Variants in PIK3R1 observed in about 807,000 individuals in gnomAD.
PIK3R1 encodes phosphatidylinositol 3-kinase regulatory subunit alpha.
Under a neutral mutation model 98.0 loss-of-function variants are expected in PIK3R1, and 29 were observed. The ratio of observed to expected loss-of-function variants is 0.30; its 90% confidence interval spans 0.22 to 0.40. The LOEUF (loss-of-function observed/expected upper bound fraction) is 0.40, where lower values mean the gene tolerates loss of function less well. Among genes scored for constraint, PIK3R1 ranks in the 10% least tolerant of loss-of-function variants. The pLI is 1.00. For synonymous variants in PIK3R1, 282 were observed against 311.8 expected (o/e 0.90, Z 1.01); for missense variants, 596 against 872.7 (o/e 0.68, Z 3.99).
At chr5:68,288,654 G>A in intron 7 of PIK3R1, 1 of 1,606,404 alleles carries the variant, frequency 6.2e-7, no homozygotes, top group Non-Finnish European at 8.5e-7. Flanking sequence ...GCGGGGGCTT[G>A]GCCCACTTGG....
chr5:68,282,200 G>A (rs966802386), intron 7 of PIK3R1, among the ~76,000 whole-genome samples: 3 of 152,146 alleles, frequency 2.0e-5, no homozygotes, highest in African/African-American at 7.2e-5. Flanking sequence ...CAACAGGTAG[G>A]GACTAGGACT....
In PIK3R1 at chr5:68,236,950, C is replaced by A. The variant is rs139125581; in HGVS notation, c.334+9941C>A. Among the ~76,000 whole-genome samples the A allele has an allele frequency of 7.2e-3, 1,098 of 152,322 alleles. 10 individuals are homozygous for A. The highest frequency in any genetic ancestry group is 0.031 in the Middle Eastern group (9 of 294). On this transcript the variant is annotated intron_variant, in intron 2 of 15. Coordinates refer to ENST00000521381, the MANE Select transcript of PIK3R1 (RefSeq NM_181523.3). ...GTATGTGCATGTAAATGCAATTTTTCTCAGGAAGAAATACACCATGATCAG... is the reference window on the plus strand; with the variant it reads ...GTATGTGCATGTAAATGCAATTTTTATCAGGAAGAAATACACCATGATCAG...
At chr5:68,227,338 A>C (rs563798253) in intron 2 of PIK3R1, among the ~76,000 whole-genome samples, 24 of 152,322 alleles carry the variant, frequency 1.6e-4, no homozygotes, top group African/African-American at 5.8e-4. Context: ...GAGTATTCCT[A>C]GTCTGAAAAT....
chr5:68,297,677 T>A lies in PIK3R1; in HGVS notation c.*76T>A. On this transcript the variant is annotated 3_prime_UTR_variant, in exon 16 of 16. Transcript: ENST00000521381. ...TGGAAAGCAAAGGGCTCCTCTCCAG[T>A]CTGATCTGTGAATTGAGCTGCAGAA... 2 of 1,210,390 alleles carry A rather than the reference T, an allele frequency of 1.7e-6. No individual in the cohort carries two copies. The allele number at this position is 1,210,390 out of a possible 1,614,324, so 75.0% of individuals were successfully genotyped here. A position where few individuals can be genotyped will look rare whatever the true frequency, so the allele number is the denominator to read the frequency against.
chr5:68,223,036 C>G (rs920353189), intron 1 of PIK3R1, among the ~76,000 whole-genome samples: 2 of 151,490 alleles, frequency 1.3e-5, no homozygotes, highest in Non-Finnish European at 2.9e-5. Context: ...ATATATATGA[C>G]TATATATATA....
chr5:68,244,523 G>GCCC lies in PIK3R1; in HGVS notation c.334+17518_334+17520dup, dbSNP rs1190697417. 2.5e-4 allele frequency among the ~76,000 whole-genome samples: 2 copies of GCCC among 7,998 alleles called. 1 individual carries two copies. The highest frequency in any genetic ancestry group is 3.9e-4 in the Non-Finnish European group (2 of 5,110). 5.2% of individuals were successfully genotyped at this position (7,998 alleles called of 152,430 possible). On this transcript the variant is annotated intron_variant, in intron 2 of 15. Coordinates refer to ENST00000521381, the MANE Select transcript of PIK3R1 (RefSeq NM_181523.3). ...CCTATTTCTCTAGGACCGCCCCCCC[G>GCCC]CCCCCCGCCGCCGCTTCAGAGAGCT...
chr5:68,279,224 T>G (rs1469622679), intron 4 of PIK3R1, among the ~76,000 whole-genome samples: 1 of 152,174 alleles, frequency 6.6e-6, no homozygotes, highest in Non-Finnish European at 1.5e-5. Context: ...GAGTTTGGGC[T>G]TAGAGGGGTG....
Position 68,295,142 on chromosome 5 carries a change from C to T in PIK3R1, c.1569-6C>T, listed in dbSNP as rs202176041. The T allele has an allele frequency of 7.4e-6, 12 of 1,611,954 alleles. No individual in the cohort carries two copies. The highest frequency in any genetic ancestry group is 8.5e-6 in the Non-Finnish European group (10 of 1,178,618). ...ATAATAACAAATACGTTTCTTTTGCCTGCAGGATTATGCATAATTATGATA... is the reference window on the plus strand; with the variant it reads ...ATAATAACAAATACGTTTCTTTTGCTTGCAGGATTATGCATAATTATGATA... On this transcript the variant is annotated splice_region_variant and splice_polypyrimidine_tract_variant and intron_variant, in intron 12 of 15. Coordinates refer to ENST00000521381, the MANE Select transcript of PIK3R1 (RefSeq NM_181523.3).
Position 68,300,609 on chromosome 5 carries a change from T to C in PIK3R1, c.*3008T>C, listed in dbSNP as rs543825264. ...GTGTTTGCAACATCTGATAACTTCA[T>C]GGCCTTTGATAAATGTATATATGTA... On this transcript the variant is annotated 3_prime_UTR_variant, in exon 16 of 16. Coordinates refer to ENST00000521381, the MANE Select transcript of PIK3R1 (RefSeq NM_181523.3). 8.6e-6 allele frequency: 2 copies of C among 233,336 alleles called. No homozygotes were observed. Among genetic ancestry groups the C allele is most frequent in the South Asian group, 3.6e-4 (2 of 5,530 alleles). 14.5% of individuals were successfully genotyped at this position (233,336 alleles called of 1,614,324 possible). A position where few individuals can be genotyped will look rare whatever the true frequency, so the allele number is the denominator to read the frequency against.
At chr5:68,267,461 G>A (rs975178885) in intron 2 of PIK3R1, among the ~76,000 whole-genome samples, 12 of 152,122 alleles carry the variant, frequency 7.9e-5, no homozygotes, top group Admixed American at 2.6e-4. Flanking sequence ...TAAACTTAAC[G>A]ATATTAAAGA....
At chr5:68,238,418 CTGAT>C (rs551190209) in intron 2 of PIK3R1, among the ~76,000 whole-genome samples, 79 of 152,198 alleles carry the variant, frequency 5.2e-4, no homozygotes, top group Middle Eastern at 3.4e-3. Context: ...ACCTCCAGAA[CTGAT>C]TGATTATAAT....
chr5:68,243,931 C>A (rs74877284), intron 2 of PIK3R1, among the ~76,000 whole-genome samples: 2,300 of 152,294 alleles, frequency 0.015, 46 homozygotes, highest in African/African-American at 0.046. Flanking sequence ...GCTCTTCTAG[C>A]ATCAAGTGTT....
rs3730092 is a variant in PIK3R1, at chr5:68,294,730, C to A, written c.1568+52C>A. 6.5e-3 allele frequency: 8,372 copies of A among 1,293,172 alleles called. 382 individuals are homozygous for A. In the African/African-American group the frequency reaches 0.11, roughly 17 times the overall value. The allele number at this position is 1,293,172 out of a possible 1,614,324, so 80.1% of individuals were successfully genotyped here. ...AGAGATAACCAAAATCCTCTAAAACCATTTAAAGATGATCTCGCTTTCTGT... is the reference window on the plus strand; with the variant it reads ...AGAGATAACCAAAATCCTCTAAAACAATTTAAAGATGATCTCGCTTTCTGT... On this transcript the variant is annotated intron_variant, in intron 12 of 15. Coordinates refer to ENST00000521381, the MANE Select transcript of PIK3R1 (RefSeq NM_181523.3).
chr5:68,265,893 A>G (rs927141539), intron 2 of PIK3R1, among the ~76,000 whole-genome samples: 1 of 151,566 alleles, frequency 6.6e-6, no homozygotes, highest in African/African-American at 2.4e-5. Flanking sequence ...CAGAGAAAAA[A>G]CCCCCTACTC....
At chr5:68,282,956 A>T (rs554823274) in intron 7 of PIK3R1, among the ~76,000 whole-genome samples, 1 of 152,342 alleles carries the variant, frequency 6.6e-6, no homozygotes, top group South Asian at 2.1e-4. Context: ...GTGTGCATAC[A>T]TTGTACTGCC....
At chr5:68,296,443 T>C (rs1011070474) in intron 15 of PIK3R1, 102 bp downstream of exon 15, 20 of 1,117,170 alleles carry the variant, frequency 1.8e-5, no homozygotes, top group Non-Finnish European at 2.5e-5. Context: ...ATAGTTTTAG[T>C]CTTGAATAAG....
At chr5:68,265,033 A>C (rs1390359661) in intron 2 of PIK3R1, among the ~76,000 whole-genome samples, 1 of 152,176 alleles carries the variant, frequency 6.6e-6, no homozygotes, top group African/African-American at 2.4e-5. Context: ...TCTGTCTCCC[A>C]CAATGGTCTG....
intron 1 of PIK3R1, chr5:68,217,653 T>TGTGTGTGTGCGCGCGCGC (rs1386976488): frequency 6.7e-6 from 1 of 149,294 alleles, no homozygotes; most frequent in African/African-American, 2.5e-5. Flanking sequence ...TGTGTGTGTG[T>TGTGTGTGTGCGCGCGCGC]GCGCGCGCGT....
In PIK3R1 at chr5:68,236,318, C is replaced by T. The variant is rs563263296; in HGVS notation, c.334+9309C>T. On this transcript the variant is annotated intron_variant, in intron 2 of 15. Transcript: ENST00000521381. ...GGGCTGGAGAGCAGTGGCACGATCT[C>T]GGCTCACTGCAAGCTCCGCCTCCTG... Among the ~76,000 whole-genome samples the T allele has an allele frequency of 2.8e-4, 43 of 152,136 alleles. 1 individual carries two copies. The East Asian group carries it at 7.2e-3, about 25-fold the overall frequency.
Sources: allele counts gnomAD v4.1 joint callset (sites outside exome capture counted in the v4.1 genomes callset), GRCh38; gene constraint gnomAD v4.1.1; transcripts MANE v1.5; gene names NCBI Gene and HGNC (gene_info 2026-07-23, HGNC 2026-07-21).